The following OR5W2 variants were observed in gnomAD, a reference collection of about 807,000 sequenced individuals.
OR5W2 encodes the protein olfactory receptor 5W2.
For synonymous variants in OR5W2, 164 were observed against 138.2 expected (o/e 1.19, Z -1.31); for missense variants, 444 against 357.1 (o/e 1.24, Z -1.96).
In OR5W2 at chr11:55,914,058, A is replaced by T. The variant is rs745598248; in HGVS notation, c.525T>A (p.Asn175Lys). ...GAGGAGGGATATCACAGAAGAAATG[A>T]TTAATCTCATTAGACCCACAGAAGC... ...RLCFCGSNEI[N>K]HFFCDIPPLL... is the part of the protein sequence containing the mutation. Residue 175 changes from asparagine (N) to lysine (K), a missense_variant, in exon 1 of 1, where the codon AAT becomes AAA. Physicochemically the swap from Asn to Lys is moderately conservative, Grantham distance 94. Coordinates refer to ENST00000344514, the MANE Select transcript of OR5W2 (RefSeq NM_001001960.1). The T allele has an allele frequency of 6.2e-7, 1 of 1,613,998 alleles. No homozygotes were observed. The highest frequency in any genetic ancestry group is 1.1e-5 in the South Asian group (1 of 91,068).
At position 55,914,358 on chromosome 11, in the gene OR5W2, A is replaced by C; in HGVS notation, c.225T>G (p.Thr75=). The C allele has an allele frequency of 6.2e-7, 1 of 1,614,004 alleles. No homozygotes were observed. Among genetic ancestry groups the C allele is most frequent in the Non-Finnish European group, 8.5e-7 (1 of 1,179,826 alleles). The stretch of plus-strand genomic sequence containing the variant: ...CTACCAGCATCTTGGGCCCAGTTGC[A>C]GTAGAATAGCAGAGATCACAGAAAG... ...HLSFCDLCYS[T]ATGPKMLVDL... Residue 75 remains threonine (T), a synonymous_variant, in exon 1 of 1, where the codon ACT becomes ACG. Transcript: ENST00000344514.
In OR5W2 at chr11:55,913,870, A is replaced by G; in HGVS notation, c.713T>C (p.Leu238Pro). Reference protein sequence around the residue: ...IHSAEGRFKALSTCTSHLSAV... With the variant: ...IHSAEGRFKAPSTCTSHLSAV... ...AGATAAGTGGGAAGTGCATGTAGAG[A>G]GAGCTTTGAACCTCCCCTCAGCAGA... is the stretch of plus-strand genomic sequence containing the variant. The change falls in exon 1 of 1, where the codon CTC becomes CCC. Residue 238 changes from leucine to proline, a missense_variant. Leu to Pro is a moderately conservative substitution (Grantham distance 98, BLOSUM62 -3). Coordinates refer to ENST00000344514, the MANE Select transcript of OR5W2 (RefSeq NM_001001960.1). The G allele has an allele frequency of 1.2e-6, 2 of 1,613,944 alleles. No individual in the cohort carries two copies. The highest frequency in any genetic ancestry group is 1.7e-6 in the Non-Finnish European group (2 of 1,179,840).
At position 55,914,506 on chromosome 11, in the gene OR5W2, G is replaced by T. The variant is rs778360261; in HGVS notation, c.77C>A (p.Thr26Asn). ...GITNNPEMKV[T>N]LFAVFLAVYI... ...AACAGCCAAGAATACAGCAAATAGG[G>T]TCACTTTCATCTCTGGGTTATTGGT... is the stretch of plus-strand genomic sequence containing the variant. Residue 26 changes from threonine to asparagine, a missense_variant, in exon 1 of 1, where the codon ACC becomes AAC. Physicochemically the swap from Thr to Asn is moderately conservative, Grantham distance 65. Coordinates refer to ENST00000344514, the MANE Select transcript of OR5W2 (RefSeq NM_001001960.1). 1.5e-5 allele frequency: 24 copies of T among 1,613,380 alleles called. No homozygotes were observed. The South Asian group carries it at 2.5e-4, about 17-fold the overall frequency.
chr11:55,914,116 G>A lies in OR5W2; in HGVS notation c.467C>T (p.Ala156Val), dbSNP rs778959957. The A allele has an allele frequency of 1.7e-5, 27 of 1,613,540 alleles. No homozygotes were observed. In the East Asian group the frequency reaches 4.9e-4, roughly 29 times the overall value. ...TGVYLVGIAD[A>V]LIHMTLAFRL... ...GAAGGCCAGTGTCATATGTATCAAAGCATCTGCTATTCCCACCAGATAAAC... is the reference window on the plus strand; with the variant it reads ...GAAGGCCAGTGTCATATGTATCAAAACATCTGCTATTCCCACCAGATAAAC... The change falls in exon 1 of 1, where the codon GCT (alanine) becomes GTT (valine). Residue 156 changes from alanine (A) to valine (V), a missense_variant. Ala to Val is a moderately conservative substitution (Grantham distance 64). Coordinates refer to ENST00000344514, the MANE Select transcript of OR5W2 (RefSeq NM_001001960.1).
In OR5W2 at chr11:55,914,550, A is replaced by G. The variant is rs969155993; in HGVS notation, c.33T>C (p.Asp11=). MDWENCSSLT[D]FFLLGITNNP... is the part of the protein sequence containing the mutation. The stretch of plus-strand genomic sequence containing the variant: ...TATTGGTAATTCCCAAGAGAAAAAA[A>G]TCAGTTAATGAGGAGCAATTTTCCC... The change falls in exon 1 of 1, where the codon GAT becomes GAC. Residue 11 remains aspartate, a synonymous_variant. Coordinates refer to ENST00000344514, the MANE Select transcript of OR5W2 (RefSeq NM_001001960.1). The G allele has an allele frequency of 2.5e-6, 4 of 1,607,742 alleles. No homozygotes were observed. Among genetic ancestry groups the G allele is most frequent in the African/African-American group, 2.7e-5 (2 of 74,708 alleles).
At position 55,914,146 on chromosome 11, in the gene OR5W2, G is replaced by A; in HGVS notation, c.437C>T (p.Thr146Ile). 1.9e-6 allele frequency: 3 copies of A among 1,613,960 alleles called. No homozygotes were observed. Among genetic ancestry groups the A allele is most frequent in the Non-Finnish European group, 2.5e-6 (3 of 1,179,894 alleles). ...TGCTATTCCCACCAGATAAACCCCA[G>A]TCAAGAGTAGATAGCACACTCTGCT... ...MSSRVCYLLLTGVYLVGIADA... is the reference protein window; with the variant it reads ...MSSRVCYLLLIGVYLVGIADA... The change falls in exon 1 of 1, where the codon ACT becomes ATT. Residue 146 changes from threonine to isoleucine, a missense_variant. Transcript: ENST00000344514.
rs1467867700 is a variant in OR5W2, at chr11:55,914,405, A to G, written c.178T>C (p.Tyr60His). 6.2e-7 allele frequency: 1 copy of G among 1,614,032 alleles called. No homozygotes were observed. The highest frequency in any genetic ancestry group is 1.7e-5 in the Admixed American group (1 of 60,028). The change falls in exon 1 of 1, where the codon TAT (tyrosine) becomes CAT (histidine). Residue 60 changes from tyrosine to histidine, a missense_variant. By Grantham distance (83) the Tyr-to-His change is moderately conservative (BLOSUM62 2). Coordinates refer to ENST00000344514, the MANE Select transcript of OR5W2 (RefSeq NM_001001960.1). Reference sequence around the variant, plus strand: ...AAAGACAGATGACTGAGGAAGAAATACATTGGTGTGTGAAGTTGGTAATCC... The same window carrying G: ...AAAGACAGATGACTGAGGAAGAAATGCATTGGTGTGTGAAGTTGGTAATCC... Reference protein sequence around the residue: ...RMDYQLHTPMYFFLSHLSFCD... With the variant: ...RMDYQLHTPMHFFLSHLSFCD...
Position 55,914,098 on chromosome 11 carries a change from A to G in OR5W2, c.485T>C (p.Leu162Pro), listed in dbSNP as rs368014117. 3.0e-5 allele frequency: 48 copies of G among 1,613,856 alleles called. No homozygotes were observed. The highest frequency in any genetic ancestry group is 3.6e-5 in the Non-Finnish European group (42 of 1,179,878). The part of the protein sequence containing the change: ...GIADALIHMT[L>P]AFRLCFCGSN... The stretch of plus-strand genomic sequence containing the variant: ...CCCACAGAAGCATAGGCGGAAGGCC[A>G]GTGTCATATGTATCAAAGCATCTGC... The change falls in exon 1 of 1, where the codon CTG (leucine) becomes CCG (proline). Residue 162 changes from leucine (L) to proline (P), a missense_variant. Leu to Pro is a moderately conservative substitution (Grantham distance 98). Coordinates refer to ENST00000344514, the MANE Select transcript of OR5W2 (RefSeq NM_001001960.1).
At position 55,914,131 on chromosome 11, in the gene OR5W2, A is replaced by G. The variant is rs1484851487; in HGVS notation, c.452T>C (p.Val151Ala). The change falls in exon 1 of 1, where the codon GTG becomes GCG. Residue 151 changes from valine (V) to alanine (A), a missense_variant. Transcript: ENST00000344514. The part of the protein sequence containing the change: ...CYLLLTGVYL[V>A]GIADALIHMT... ...ATGTATCAAAGCATCTGCTATTCCC[A>G]CCAGATAAACCCCAGTCAAGAGTAG... is the stretch of plus-strand genomic sequence containing the variant. The G allele has an allele frequency of 1.2e-6, 2 of 1,613,912 alleles. No individual in the cohort carries two copies. Among genetic ancestry groups the G allele is most frequent in the Non-Finnish European group, 1.7e-6 (2 of 1,179,840 alleles).
rs777967726 is a variant in OR5W2 at position 55,913,728 on chromosome 11, C to A, written c.855G>T (p.Leu285Phe). ...SLFYTLVVPM[L>F]NPLIYSLRNK... ...TCCTCAGGCTATAAATCAGGGGGTT[C>A]AACATGGGAACCACAAGGGTGTAAA... The change falls in exon 1 of 1, where the codon TTG (leucine) becomes TTT (phenylalanine). Residue 285 changes from leucine (L) to phenylalanine (F), a missense_variant. By Grantham distance (22) the Leu-to-Phe change is conservative. Transcript: ENST00000344514. 6.2e-7 allele frequency: 1 copy of A among 1,613,904 alleles called. No homozygotes were observed. The highest frequency in any genetic ancestry group is 1.1e-5 in the South Asian group (1 of 91,078).
chr11:55,913,651 TA>T lies in OR5W2; in HGVS notation c.931del (p.Ter311delextTer?). 1 of 1,544,974 alleles carries T rather than the reference TA, an allele frequency of 6.5e-7. No homozygotes were observed. Among genetic ancestry groups the T allele is most frequent in the South Asian group, 1.2e-5 (1 of 83,918 alleles). The stretch of plus-strand genomic sequence containing the variant: ...TAAACATGTATTTTTACTATTTCCT[TA>T]AAATAAAATTTTATTTTTCAGTTTT... ...LKKLKNKILF[*>X] On this transcript the variant is annotated frameshift_variant and stop_lost, in exon 1 of 1. Transcript: ENST00000344514. LOFTEE classifies it high-confidence loss of function.
chr11:55,914,159 A>C lies in OR5W2; in HGVS notation c.424T>G (p.Tyr142Asp). ...YTVNMSSRVCYLLLTGVYLVG... is the reference protein window; with the variant it reads ...YTVNMSSRVCDLLLTGVYLVG... Reference sequence around the variant, plus strand: ...AGATAAACCCCAGTCAAGAGTAGATAGCACACTCTGCTAGACATGTTGACT... The same window carrying C: ...AGATAAACCCCAGTCAAGAGTAGATCGCACACTCTGCTAGACATGTTGACT... Residue 142 changes from tyrosine to aspartate, a missense_variant, in exon 1 of 1, where the codon TAT (tyrosine) becomes GAT (aspartate). Transcript: ENST00000344514. 1 of 1,613,988 alleles carries C rather than the reference A, an allele frequency of 6.2e-7. No homozygotes were observed. The highest frequency in any genetic ancestry group is 2.2e-5 in the East Asian group (1 of 44,872).
rs377281518 is a variant in OR5W2 at position 55,913,809 on chromosome 11, C to T, written c.774G>A (p.Met258Ile). ...VAIFQGTLLF[M>I]YFRPSSSYSL... ...AATAGGAAGAACTTGGCCGGAAATA[C>T]ATAAAGAGCAGAGTTCCCTGGAAAA... The change falls in exon 1 of 1, where the codon ATG becomes ATA. Residue 258 changes from methionine to isoleucine, a missense_variant. By Grantham distance (10) the Met-to-Ile change is conservative (BLOSUM62 1). Transcript: ENST00000344514. 1.9e-6 allele frequency: 3 copies of T among 1,614,012 alleles called. No homozygotes were observed. The highest frequency in any genetic ancestry group is 2.2e-5 in the East Asian group (1 of 44,860).
rs754397214 is a variant in OR5W2 at position 55,914,197 on chromosome 11, G to C, written c.386C>G (p.Pro129Arg). The change falls in exon 1 of 1, where the codon CCC becomes CGC. Residue 129 changes from proline (P) to arginine (R), a missense_variant. Coordinates refer to ENST00000344514, the MANE Select transcript of OR5W2 (RefSeq NM_001001960.1). ...AFDRYKAIIN[P>R]LLYTVNMSSR... ...AGACATGTTGACTGTATAGAGCAGGGGGTTGATGATGGCCTTGTACCGATC... is the reference window on the plus strand; with the variant it reads ...AGACATGTTGACTGTATAGAGCAGGCGGTTGATGATGGCCTTGTACCGATC... The C allele has an allele frequency of 1.2e-6, 2 of 1,613,986 alleles. No homozygotes were observed. The highest frequency in any genetic ancestry group is 1.7e-5 in the Admixed American group (1 of 60,008).
At position 55,913,897 on chromosome 11, in the gene OR5W2, T is replaced by G. The variant is rs758723815; in HGVS notation, c.686A>C (p.His229Pro). 2 of 1,613,658 alleles carry G rather than the reference T, an allele frequency of 1.2e-6. No homozygotes were observed. Among genetic ancestry groups the G allele is most frequent in the South Asian group, 1.1e-5 (1 of 91,070 alleles). ...AGCTTTGAACCTCCCCTCAGCAGAG[T>G]GTATCTCCAAGACTGATAGGATGAT... Reference protein sequence around the residue: ...CYIILSVLEIHSAEGRFKALS... With the variant: ...CYIILSVLEIPSAEGRFKALS... Residue 229 changes from histidine to proline, a missense_variant, in exon 1 of 1, where the codon CAC becomes CCC. Physicochemically the swap from His to Pro is moderately conservative, Grantham distance 77 (BLOSUM62 -2). Transcript: ENST00000344514.
In OR5W2 at chr11:55,913,709, G is replaced by A; in HGVS notation, c.874C>T (p.Leu292=). The A allele has an allele frequency of 6.2e-7, 1 of 1,613,620 alleles. No individual in the cohort carries two copies. The highest frequency in any genetic ancestry group is 1.1e-5 in the South Asian group (1 of 91,026). The change falls in exon 1 of 1, where the codon CTG becomes TTG. Residue 292 remains leucine, a synonymous_variant. Coordinates refer to ENST00000344514, the MANE Select transcript of OR5W2 (RefSeq NM_001001960.1). The part of the protein sequence containing the change: ...VPMLNPLIYS[L]RNKDVKEALK... Reference sequence around the variant, plus strand: ...GCCTCTTTCACATCCTTGTTCCTCAGGCTATAAATCAGGGGGTTCAACATG... The same window carrying A: ...GCCTCTTTCACATCCTTGTTCCTCAAGCTATAAATCAGGGGGTTCAACATG...
At position 55,913,755 on chromosome 11, in the gene OR5W2, C is replaced by T. The variant is rs1854908025; in HGVS notation, c.828G>A (p.Leu276=). Residue 276 remains leucine (L), a synonymous_variant, in exon 1 of 1, where the codon TTG becomes TTA. Transcript: ENST00000344514. The part of the protein sequence containing the change: ...YSLDQDKMTS[L]FYTLVVPMLN... ...ACATGGGAACCACAAGGGTGTAAAA[C>T]AATGAGGTCATTTTATCTTGATCTA... is the stretch of plus-strand genomic sequence containing the variant. 1 of 1,613,814 alleles carries T rather than the reference C, an allele frequency of 6.2e-7. No individual in the cohort carries two copies. The highest frequency in any genetic ancestry group is 8.5e-7 in the Non-Finnish European group (1 of 1,179,908).
rs1357767289 is a variant in OR5W2 at position 55,914,100 on chromosome 11, T to C, written c.483A>G (p.Thr161=). 3.1e-6 allele frequency: 5 copies of C among 1,613,862 alleles called. No individual in the cohort carries two copies. The highest frequency in any genetic ancestry group is 4.2e-6 in the Non-Finnish European group (5 of 1,179,888). ...VGIADALIHM[T]LAFRLCFCGS... ...CACAGAAGCATAGGCGGAAGGCCAG[T>C]GTCATATGTATCAAAGCATCTGCTA... Residue 161 remains threonine (T), a synonymous_variant, in exon 1 of 1, where the codon ACA becomes ACG. Coordinates refer to ENST00000344514, the MANE Select transcript of OR5W2 (RefSeq NM_001001960.1).
Position 55,914,557 on chromosome 11 carries a change from A to C in OR5W2, c.26T>G (p.Leu9Ter), listed in dbSNP as rs778351445. The change falls in exon 1 of 1, where the codon TTA becomes TGA. Residue 9 changes from leucine (L) to a stop codon, truncating the protein, a stop_gained. Transcript: ENST00000344514. LOFTEE classifies it low-confidence loss of function (END_TRUNC). Reference protein sequence around the residue: MDWENCSSLTDFFLLGITN... With the variant: MDWENCSS ...AATTCCCAAGAGAAAAAAATCAGTT[A>C]ATGAGGAGCAATTTTCCCAGTCCAT... The C allele has an allele frequency of 4.6e-5, 73 of 1,599,790 alleles. No individual in the cohort carries two copies. The highest frequency in any genetic ancestry group is 5.9e-5 in the Non-Finnish European group (69 of 1,171,980).
Sources: allele counts gnomAD v4.1 joint callset, GRCh38; gene constraint gnomAD v4.1.1; transcripts MANE v1.5; gene names NCBI Gene and HGNC (gene_info 2026-07-23, HGNC 2026-07-21).